The following VSIG1 variants were observed in gnomAD, a reference collection of about 807,000 sequenced individuals.
The protein encoded by VSIG1 is V-set and immunoglobulin domain-containing protein 1.
VSIG1 carries 11 observed loss-of-function variants against 20.1 expected under a neutral mutation model. That is an observed-to-expected ratio of 0.55 (90% CI 0.34 to 0.91). VSIG1 has a LOEUF of 0.91. Ranked by LOEUF, VSIG1 falls within the 40% of genes least tolerant of loss-of-function variation. The pLI is 0.02. For missense variants in VSIG1, 283 were observed against 298.8 expected, an observed-to-expected ratio of 0.95 and a Z score of 0.39; for synonymous variants, 126 against 116.7, an observed-to-expected ratio of 1.08 and a Z score of -0.52.
intron 1 of VSIG1, among the ~76,000 whole-genome samples, chrX:108,049,677 T>C: frequency 8.9e-6 from 1 of 112,153 alleles, no homozygotes; most frequent in Non-Finnish European, 1.9e-5. Context: ...CCAAATAATA[T>C]CTCTAAAATC....
intron 2 of VSIG1, among the ~76,000 whole-genome samples, chrX:108,064,288 T>C (rs1318319856): frequency 8.9e-6 from 1 of 111,875 alleles, no homozygotes; most frequent in Non-Finnish European, 1.9e-5. Context: ...GTCTCCATTG[T>C]TAGCCCTCAC....
chrX:108,079,009 C>T lies in VSIG1; in HGVS notation c.*1628C>T, dbSNP rs1460520845. The T allele has an allele frequency of 8.9e-6, 1 of 112,286 alleles. No individual in the cohort carries two copies. Among genetic ancestry groups the T allele is most frequent in the Non-Finnish European group, 1.9e-5 (1 of 53,264 alleles). The allele number at this position is 112,286 out of a possible 1,213,427, so 9.3% of individuals were successfully genotyped here. A position where few individuals can be genotyped will look rare whatever the true frequency, so the allele number is the denominator to read the frequency against. On this transcript the variant is annotated 3_prime_UTR_variant, in exon 7 of 7. Transcript: ENST00000217957. ...TCACCCACATCTCACCTTGAAGAAA[C>T]TTACAGGTAGACTTACCTTTTCACT...
Position 108,073,230 on chromosome X carries a change from C to CTAT in VSIG1, c.569-18_569-16dup, listed in dbSNP as rs2031285752. 1 of 1,207,640 alleles carries CTAT rather than the reference C, an allele frequency of 8.3e-7. No individual in the cohort carries two copies. The highest frequency in any genetic ancestry group is 1.1e-6 in the Non-Finnish European group (1 of 893,979). On this transcript the variant is annotated intron_variant, in intron 4 of 6. Coordinates refer to ENST00000217957, the MANE Select transcript of VSIG1 (RefSeq NM_182607.5). ...TATGCACAGAAGAGATCTCAAAAGTCTATTCCCTGGTTTCAACAGACCCAA... is the reference window on the plus strand; with the variant it reads ...TATGCACAGAAGAGATCTCAAAAGTCTATTATTCCCTGGTTTCAACAGACCCAA...
intron 1 of VSIG1, among the ~76,000 whole-genome samples, chrX:108,048,146 G>A (rs937331654): frequency 2.9e-5 from 3 of 104,923 alleles, no homozygotes; most frequent in Non-Finnish European, 5.8e-5. Flanking sequence ...TGGGATTACA[G>A]GCATGCACCA....
chrX:108,076,147 T>C lies in VSIG1; in HGVS notation c.759T>C (p.Val253=). 3 of 1,211,516 alleles carry C rather than the reference T, an allele frequency of 2.5e-6. No individual in the cohort carries two copies. Among genetic ancestry groups the C allele is most frequent in the Non-Finnish European group, 2.2e-6 (2 of 895,244 alleles). The change falls in exon 6 of 7, where the codon GTT becomes GTC. Residue 253 remains valine, a synonymous_variant. Transcript: ENST00000217957. ...TAGGTGCCGCCATCATCATCTCTGT[T>C]GTGTGCTTCGCAAGGAATAAGGCAA... ...SLVGAAIIIS[V]VCFARNKAKA... is the part of the protein sequence containing the mutation.
chrX:108,057,989 A>G (rs756180918), intron 1 of VSIG1, 49 bp from the exon 2 acceptor site: 3 of 1,117,081 alleles, frequency 2.7e-6, no homozygotes, highest in African/African-American at 1.8e-5. Context: ...AAACAGTGTT[A>G]TCAGAATTTG....
intron 1 of VSIG1, among the ~76,000 whole-genome samples, chrX:108,050,649 G>A (rs886555868): frequency 2.7e-5 from 3 of 111,549 alleles, no homozygotes; most frequent in African/African-American, 6.5e-5. Context: ...GGTGCCCTTC[G>A]GTGGGCCTCC....
At chrX:108,027,718 A>G in the VSIG1 span, among the ~76,000 whole-genome samples, 3 of 111,825 alleles carry the variant, frequency 2.7e-5, no homozygotes, top group African/African-American at 9.7e-5. Flanking sequence ...TGAACGGAGG[A>G]CAGAAATAGT....
chrX:108,058,056 A>T lies in VSIG1; in HGVS notation c.68A>T (p.Gln23Leu). 8.3e-7 allele frequency: 1 copy of T among 1,209,809 alleles called. No individual in the cohort carries two copies. The highest frequency in any genetic ancestry group is 1.1e-6 in the Non-Finnish European group (1 of 894,642). ...SCLAGQVSVV[Q>L]VTIPDGFVNV... ...TTTTCAGGTCAGGTTAGTGTGGTGC[A>T]AGTGACCATCCCAGACGGTTTCGTG... The change falls in exon 2 of 7, where the codon CAA becomes CTA. Residue 23 changes from glutamine to leucine, a missense_variant. Coordinates refer to ENST00000217957, the MANE Select transcript of VSIG1 (RefSeq NM_182607.5).
chrX:108,030,777 C>T, the VSIG1 span, among the ~76,000 whole-genome samples: 5 of 111,572 alleles, frequency 4.5e-5, no homozygotes, highest in East Asian at 1.1e-3. Context: ...TCTGGTTTCT[C>T]GGGATCATTG....
At chrX:108,057,376 C>G (rs1326343019) in intron 1 of VSIG1, among the ~76,000 whole-genome samples, 1 of 111,850 alleles carries the variant, frequency 8.9e-6, no homozygotes, top group Non-Finnish European at 1.9e-5. Flanking sequence ...ATTAAATGTG[C>G]ATGTGCACAC....
chrX:108,028,429 G>A, the VSIG1 span, among the ~76,000 whole-genome samples: 88 of 111,848 alleles, frequency 7.9e-4, 3 homozygotes, highest in East Asian at 0.023. Context: ...TTGAGAAGAG[G>A]TTAAATCAGG....
intron 2 of VSIG1, chrX:108,061,554 G>A (rs1469588189): frequency 8.9e-7 from 1 of 1,126,330 alleles, no homozygotes; most frequent in Non-Finnish European, 1.2e-6. Flanking sequence ...ACTTATTGGT[G>A]TACTACTGGA....
At position 108,047,786 on chromosome X, in the gene VSIG1, C is replaced by CTA. The variant is rs1198965317; in HGVS notation, c.49+2608_49+2609insAT. On this transcript the variant is annotated intron_variant, in intron 1 of 6. Transcript: ENST00000217957. ...ACATTCTCTCTCTCTCTCTCTCTCT[C>CTA]TCTCTATATATATATATATATACAT... Among the ~76,000 whole-genome samples, 63 of 60,069 alleles carry CTA rather than the reference C, an allele frequency of 1.0e-3. 2 individuals carry two copies. The highest frequency in any genetic ancestry group is 4.2e-3 in the Admixed American group (23 of 5,523). The allele number at this position is 60,069 out of a possible 115,157, so 52.2% of individuals were successfully genotyped here. A position where few individuals can be genotyped will look rare whatever the true frequency, so the allele number is the denominator to read the frequency against.
intron 2 of VSIG1, 115 bp from the exon 3 acceptor site, chrX:108,066,821 T>TG (rs2031138267): frequency 4.3e-6 from 3 of 696,651 alleles, no homozygotes; most frequent in South Asian, 5.3e-5. Flanking sequence ...CTGTTCCTGG[T>TG]GGGGGGAAGA....
intron 2 of VSIG1, among the ~76,000 whole-genome samples, chrX:108,063,345 C>CTG (rs1164486486): frequency 1.8e-5 from 2 of 111,312 alleles, no homozygotes; most frequent in African/African-American, 6.5e-5. Flanking sequence ...AATTCCAGGT[C>CTG]TGACTGTAAA....
the VSIG1 span, among the ~76,000 whole-genome samples, chrX:108,023,594 T>G: frequency 8.9e-6 from 1 of 112,254 alleles, no homozygotes; most frequent in South Asian, 3.7e-4. Flanking sequence ...TGTTGGCATT[T>G]TTTTTAATTA....
chrX:108,038,349 T>C, the VSIG1 span, among the ~76,000 whole-genome samples: 3 of 111,219 alleles, frequency 2.7e-5, no homozygotes, highest in Non-Finnish European at 5.7e-5. Context: ...GAACATGCGG[T>C]GTTTGGTTTT....
In VSIG1 at chrX:108,077,318, G is replaced by A; in HGVS notation, c.1101G>A (p.Glu367=). The A allele has an allele frequency of 3.3e-6, 4 of 1,212,197 alleles. No homozygotes were observed. Among genetic ancestry groups the A allele is most frequent in the Non-Finnish European group, 4.5e-6 (4 of 895,660 alleles). The change falls in exon 7 of 7, where the codon GAG becomes GAA. Residue 367 remains glutamate, a synonymous_variant. Transcript: ENST00000217957. ...ELEPEPEPEP[E]SEPGVVVEPL... ...AGCCAGAGCCAGAGCCAGAGCCAGAGTCAGAGCCTGGGGTTGTAGTTGAGC... is the reference window on the plus strand; with the variant it reads ...AGCCAGAGCCAGAGCCAGAGCCAGAATCAGAGCCTGGGGTTGTAGTTGAGC...
Sources: allele counts gnomAD v4.1 joint callset (sites outside exome capture counted in the v4.1 genomes callset), GRCh38; gene constraint gnomAD v4.1.1; transcripts MANE v1.5; gene names NCBI Gene and HGNC (gene_info 2026-07-23, HGNC 2026-07-21).